The following LRRC71 variants were observed in gnomAD, a reference collection of about 807,000 sequenced individuals.
The protein encoded by LRRC71 is leucine rich repeat containing 71.
A neutral mutation model predicts 66.6 loss-of-function variants in LRRC71; 54 were observed. The ratio of observed to expected loss-of-function variants is 0.81; its 90% confidence interval spans 0.65 to 1.02. The LOEUF is 1.02. Among genes scored for constraint, LRRC71 ranks in the 50% least tolerant of loss-of-function variants. The probability of loss-of-function intolerance (pLI) is 0.00; values close to 1 mark genes in which losing one functional copy is unlikely to be tolerated. For synonymous variants in LRRC71, 323 were observed against 303.9 expected (o/e 1.06, Z -0.65); for missense variants, 724 against 718.0 (o/e 1.01, Z -0.10).
chr1:156,937,103 T>A (rs1655573410), downstream of LRRC71: 1 of 1,567,576 alleles, frequency 6.4e-7, no homozygotes. Flanking sequence ...AGGGTGTGAT[T>A]TAAGGGTGGC....
chr1:156,932,012 C>A lies in LRRC71; in HGVS notation c.1426C>A (p.His476Asn), dbSNP rs1199337622. ...CATGCCTGGGAACAAGGTCCTTTTG[C>A]ACCTCAACCTCATCCGTATGTCTGC... is the stretch of plus-strand genomic sequence containing the variant. ...VFMPGNKVLL[H>N]LNLIRNRITE... Residue 476 changes from histidine to asparagine, a missense_variant, in exon 13 of 15, where the codon CAC (histidine) becomes AAC (asparagine). His to Asn is a moderately conservative substitution (Grantham distance 68). Coordinates refer to ENST00000337428, the MANE Select transcript of LRRC71 (RefSeq NM_144702.3). 1.3e-6 allele frequency: 2 copies of A among 1,595,058 alleles called. No individual in the cohort carries two copies. Among genetic ancestry groups the A allele is most frequent in the Non-Finnish European group, 1.7e-6 (2 of 1,170,286 alleles).
downstream of LRRC71, chr1:156,936,939 G>C: frequency 6.2e-7 from 1 of 1,614,120 alleles, no homozygotes; most frequent in Non-Finnish European, 8.5e-7. Context: ...CTGCCCACAG[G>C]CGTGGTGCCA....
At chr1:156,925,129 A>C (rs908029580) in intron 5 of LRRC71, 114 bp downstream of exon 5, 23 of 946,994 alleles carry the variant, frequency 2.4e-5, no homozygotes, top group Non-Finnish European at 3.7e-5. Flanking sequence ...CCTGCCTGGC[A>C]TCCCTGTGGA....
chr1:156,937,794 C>T (rs1390703935), downstream of LRRC71, among the ~76,000 whole-genome samples: 16 of 152,346 alleles, frequency 1.1e-4, no homozygotes, highest in South Asian at 3.3e-3. Context: ...GAGTGGCTCC[C>T]CCTCCTTGAG....
the LRRC71 span, chr1:156,940,496 C>T: frequency 1.3e-5 from 18 of 1,416,498 alleles, no homozygotes; most frequent in East Asian, 4.0e-4. Flanking sequence ...CTATGGGCAG[C>T]TTTGGAGCCA....
downstream of LRRC71, among the ~76,000 whole-genome samples, chr1:156,934,137 G>C (rs1161861501): frequency 1.3e-5 from 2 of 152,172 alleles, no homozygotes; most frequent in African/African-American, 2.4e-5. Flanking sequence ...ATGTCCTCCA[G>C]AGCTTCAGTG....
chr1:156,920,796 A>G lies in LRRC71; in HGVS notation c.-8A>G. 6.6e-7 allele frequency: 1 copy of G among 1,514,376 alleles called. No individual in the cohort carries two copies. Among genetic ancestry groups the G allele is most frequent in the Non-Finnish European group, 8.9e-7 (1 of 1,128,494 alleles). 93.8% of individuals were successfully genotyped at this position (1,514,376 alleles called of 1,614,324 possible). ...GAAGGTCCCAGAGACGCTGCGGACA[A>G]CACCAGCATGTCGAGCGAGCAGAGC... On this transcript the variant is annotated 5_prime_UTR_variant, in exon 1 of 15. Transcript: ENST00000337428. The surrounding 1 kb of genome is among the most constrained non-coding windows in gnomAD (Gnocchi z 4.9).
chr1:156,933,716 A>T (rs1571085912), downstream of LRRC71, among the ~76,000 whole-genome samples: 1 of 152,204 alleles, frequency 6.6e-6, no homozygotes, highest in Admixed American at 6.5e-5. Flanking sequence ...CATTGAGGTC[A>T]CCTGCCAGTG....
chr1:156,926,991 G>C (rs1653300847), intron 5 of LRRC71, among the ~76,000 whole-genome samples: 1 of 152,180 alleles, frequency 6.6e-6, no homozygotes, highest in African/African-American at 2.4e-5. Flanking sequence ...CCCTACCATG[G>C]GTCACCAACT....
rs1275248194 is a variant in LRRC71, at chr1:156,924,693, C to A, written c.490C>A (p.Pro164Thr). ...ILGVFSKCLP[P>T]LTQLQAINLW... ...GGGTGTCTTCTCTAAATGTCTGCCC[C>A]CGCTTACCCAGCTACAGGCCATCAA... The change falls in exon 4 of 15, where the codon CCG becomes ACG. Residue 164 changes from proline to threonine, a missense_variant. By Grantham distance (38) the Pro-to-Thr change is conservative. Coordinates refer to ENST00000337428, the MANE Select transcript of LRRC71 (RefSeq NM_144702.3). 6.4e-7 allele frequency: 1 copy of A among 1,551,696 alleles called. No individual in the cohort carries two copies.
At position 156,929,721 on chromosome 1, in the gene LRRC71, G is replaced by A; in HGVS notation, c.1232G>A (p.Gly411Asp). The A allele has an allele frequency of 1.3e-6, 2 of 1,564,954 alleles. No homozygotes were observed. Among genetic ancestry groups the A allele is most frequent in the Non-Finnish European group, 1.7e-6 (2 of 1,154,930 alleles). The part of the protein sequence containing the change: ...TPKKEDATKA[G>D]KGKVTIPEQK... ...AAGAAGGAAGATGCCACAAAGGCAG[G>A]CAAGGGGAGTAAGTGCGGGTGCCCC... The change falls in exon 11 of 15, where the codon GGC (glycine) becomes GAC (aspartate). Residue 411 changes from glycine (G) to aspartate (D), a missense_variant. Gly to Asp is a moderately conservative substitution (Grantham distance 94). Coordinates refer to ENST00000337428, the MANE Select transcript of LRRC71 (RefSeq NM_144702.3).
At chr1:156,928,476 C>CTCT in intron 9 of LRRC71, among the ~76,000 whole-genome samples, 1 of 129,056 alleles carries the variant, frequency 7.7e-6, no homozygotes, top group Non-Finnish European at 1.6e-5. Context: ...TCTCTTCTTC[C>CTCT]TCTTCCTCCT....
chr1:156,927,540 G>T lies in LRRC71; in HGVS notation c.707G>T (p.Gly236Val). The T allele has an allele frequency of 3.2e-6, 5 of 1,558,248 alleles. No homozygotes were observed. The highest frequency in any genetic ancestry group is 4.3e-6 in the Non-Finnish European group (5 of 1,153,392). The change falls in exon 7 of 15, where the codon GGG becomes GTG. Residue 236 changes from glycine to valine, a missense_variant. Coordinates refer to ENST00000337428, the MANE Select transcript of LRRC71 (RefSeq NM_144702.3). ...CGGAACAATAACATCGACGACCGCG[G>T]GGCGCAACTCCTGGGCCAGGCGCTG... ...SLRNNNIDDR[G>V]AQLLGQALST...
At chr1:156,936,947 C>A (rs1215355867), downstream of LRRC71, 4 of 1,613,974 alleles carry the variant, frequency 2.5e-6, no homozygotes, top group Non-Finnish European at 3.4e-6. Flanking sequence ...AGGCGTGGTG[C>A]CACCAGATGA....
intron 1 of LRRC71, among the ~76,000 whole-genome samples, chr1:156,921,860 A>C (rs1382653103): frequency 6.6e-6 from 1 of 152,080 alleles, no homozygotes; most frequent in Non-Finnish European, 1.5e-5. Context: ...GGGAGTTGGG[A>C]TAGGGCAGTG....
downstream of LRRC71, among the ~76,000 whole-genome samples, chr1:156,936,526 A>AT (rs1655356160): frequency 7.6e-5 from 10 of 132,368 alleles, no homozygotes; most frequent in Non-Finnish European, 9.6e-5. Context: ...ATATATATAT[A>AT]AAATTAAAAA....
At chr1:156,934,625 G>C (rs979139465), downstream of LRRC71, among the ~76,000 whole-genome samples, 1 of 151,676 alleles carries the variant, frequency 6.6e-6, no homozygotes, top group Non-Finnish European at 1.5e-5. Context: ...TCAGTGTCTT[G>C]TCATGTTTTC....
intron 6 of LRRC71, 107 bp from the exon 7 acceptor site, chr1:156,927,389 C>T: frequency 1.3e-6 from 2 of 1,525,888 alleles, no homozygotes; most frequent in Non-Finnish European, 1.8e-6. Flanking sequence ...ATTTCTGCCC[C>T]TACATCCTCA....
intron 12 of LRRC71, among the ~76,000 whole-genome samples, chr1:156,931,668 T>C (rs1447412848): frequency 6.6e-6 from 1 of 151,830 alleles, no homozygotes; most frequent in African/African-American, 2.4e-5. Flanking sequence ...TTTTCCGTGC[T>C]CCCACAGTGC....
Sources: gnomAD v4.1 joint callset for allele counts (sites outside exome capture counted in the v4.1 genomes callset) on GRCh38, gnomAD v4.1.1 for gene constraint, Gnocchi (gnomAD v3.1) non-coding constraint, MANE v1.5 for transcripts, NCBI Gene and HGNC (gene_info 2026-07-23, HGNC 2026-07-21) for gene names.